Variants in ADGRB2 observed in about 807,000 individuals in gnomAD.
ADGRB2 encodes the protein brain-specific angiogenesis inhibitor 2.
A neutral mutation model predicts 178.7 loss-of-function variants in ADGRB2; 47 were observed. That is an observed-to-expected ratio of 0.26 (90% confidence interval 0.21 to 0.34). ADGRB2 has a LOEUF of 0.34. Ranked by LOEUF, ADGRB2 falls within the 10% of genes least tolerant of loss-of-function variation. The probability of loss-of-function intolerance (pLI) is 1.00; values close to 1 mark genes in which losing one functional copy is unlikely to be tolerated. For synonymous variants in ADGRB2, 870 were observed against 912.4 expected (o/e 0.95, Z 0.84); for missense variants, 1,584 against 2,180.8 (o/e 0.73, Z 5.45).
At position 31,761,468 on chromosome 1, in the gene ADGRB2, G is replaced by A. The variant is rs879701681; in HGVS notation, c.-191+2416C>T. ...CTGGGCTCCCCCTAACAGGCTGCCT[G>A]CCTTCGGGGACTCTGACTGGGGTTT... On this transcript the variant is annotated intron_variant, in intron 1 of 32. Transcript: ENST00000373658. This position sits in a 1 kb window ranked among gnomAD's most constrained non-coding sequence, Gnocchi z 4.2. Among the ~76,000 whole-genome samples, 4 of 152,334 alleles carry A rather than the reference G, an allele frequency of 2.6e-5. No homozygotes were observed. Among genetic ancestry groups the A allele is most frequent in the Admixed American group, 6.5e-5 (1 of 15,306 alleles).
chr1:31,752,079 C>CG (rs1207711085), intron 4 of ADGRB2, among the ~76,000 whole-genome samples: 1 of 152,184 alleles, frequency 6.6e-6, no homozygotes, highest in Non-Finnish European at 1.5e-5. Context: ...AAACTGAACC[C>CG]GGACTGGGCG....
intron 4 of ADGRB2, among the ~76,000 whole-genome samples, chr1:31,745,746 A>G (rs962550343): frequency 6.6e-6 from 1 of 152,190 alleles, no homozygotes; most frequent in Non-Finnish European, 1.5e-5. Context: ...TCTAAAAGCC[A>G]GCAGTACTGG....
In ADGRB2 at chr1:31,754,513, T is replaced by G. The variant is rs896456010; in HGVS notation, c.838+1486A>C. 2.0e-5 allele frequency among the ~76,000 whole-genome samples: 3 copies of G among 152,246 alleles called. No homozygotes were observed. The highest frequency in any genetic ancestry group is 7.2e-5 in the African/African-American group (3 of 41,470). On this transcript the variant is annotated intron_variant, in intron 4 of 32. Transcript: ENST00000373658. The surrounding 1 kb of genome is among the most constrained non-coding windows in gnomAD (Gnocchi z 5.7). Reference sequence around the variant, plus strand: ...GTTCAACAAAGAAGCAAAATTCAATTTCTTCCTACAGGCACTAAATCCCAG... The same window carrying G: ...GTTCAACAAAGAAGCAAAATTCAATGTCTTCCTACAGGCACTAAATCCCAG...
intron 25 of ADGRB2, among the ~76,000 whole-genome samples, chr1:31,734,786 C>G (rs1645481405): frequency 6.6e-6 from 1 of 152,212 alleles, no homozygotes; most frequent in Admixed American, 6.5e-5. Flanking sequence ...TTCACTCATT[C>G]TAACATTCTT....
In ADGRB2 at chr1:31,744,598, G is replaced by A. The variant is rs2297601; in HGVS notation, c.922+50C>T. On this transcript the variant is annotated intron_variant, in intron 5 of 32. Transcript: ENST00000373658. This position sits in a 1 kb window ranked among gnomAD's most constrained non-coding sequence, Gnocchi z 6.7. The stretch of plus-strand genomic sequence containing the variant: ...ACACCAAGCACACACACCACCAGAC[G>A]CACACAGTCGGGCCCCCGCCGCAGA... 3.2e-4 allele frequency: 502 copies of A among 1,589,958 alleles called. 6 individuals are homozygous for A. In the East Asian group the frequency reaches 0.011, roughly 34 times the overall value.
In ADGRB2 at chr1:31,727,730, A is replaced by G; in HGVS notation, c.4573-125T>C. 8.9e-7 allele frequency: 1 copy of G among 1,121,564 alleles called. No homozygotes were observed. The highest frequency in any genetic ancestry group is 1.8e-5 in the South Asian group (1 of 56,604). The allele number at this position is 1,121,564 out of a possible 1,614,324, so 69.5% of individuals were successfully genotyped here. On this transcript the variant is annotated intron_variant, in intron 32 of 32. Coordinates refer to ENST00000373658, the MANE Select transcript of ADGRB2 (RefSeq NM_001364857.2). The surrounding 1 kb of genome is among the most constrained non-coding windows in gnomAD (Gnocchi z 4.4). ...AAAGTTATGGAGCAATCAGGTGTCAAGCAGAATTCAAATACAGACCTGCCT... is the reference window on the plus strand; with the variant it reads ...AAAGTTATGGAGCAATCAGGTGTCAGGCAGAATTCAAATACAGACCTGCCT...
rs552290085 is a variant in ADGRB2, at chr1:31,736,015, C to A, written c.3201-122G>T. The A allele has an allele frequency of 2.7e-6, 3 of 1,098,006 alleles. No homozygotes were observed. The East Asian group carries it at 7.8e-5, about 29-fold the overall frequency. The allele number at this position is 1,098,006 out of a possible 1,614,324, so 68.0% of individuals were successfully genotyped here. A position where few individuals can be genotyped will look rare whatever the true frequency, so the allele number is the denominator to read the frequency against. ...TCACCAGTGCAGTCTGAGCCCCAGA[C>A]GGTGAGAGTGAGCCACTGGCTCCTG... On this transcript the variant is annotated intron_variant, in intron 22 of 32. Coordinates refer to ENST00000373658, the MANE Select transcript of ADGRB2 (RefSeq NM_001364857.2).
Position 31,727,992 on chromosome 1 carries a change from C to G in ADGRB2, c.4572+33G>C, listed in dbSNP as rs1486500565. On this transcript the variant is annotated intron_variant, in intron 32 of 32. Transcript: ENST00000373658. This position sits in a 1 kb window ranked among gnomAD's most constrained non-coding sequence, Gnocchi z 4.4. ...CAGGGAGGGCACGGGTCCCTCAGGC[C>G]CACCTCACCCCACCCAGCCCGGGGG... The G allele has an allele frequency of 3.3e-6, 5 of 1,532,986 alleles. No homozygotes were observed. Among genetic ancestry groups the G allele is most frequent in the Non-Finnish European group, 4.4e-6 (5 of 1,143,974 alleles). 95.0% of individuals were successfully genotyped at this position (1,532,986 alleles called of 1,614,324 possible). A position where few individuals can be genotyped will look rare whatever the true frequency, so the allele number is the denominator to read the frequency against.
In ADGRB2 at chr1:31,728,614, G is replaced by T. The variant is rs1181481789; in HGVS notation, c.4400C>A (p.Ser1467Ter). ...GSLERKKLRY[S>*]DLDFEKVMHT... is the part of the protein sequence containing the mutation. ...GGCCCTTACCTCAAAGTCCAGGTCT[G>T]AATACCGTAATTTCTTTCGCTGGGA... Residue 1467 changes from serine to a stop codon, truncating the protein, a stop_gained, in exon 30 of 33, where the codon TCA becomes TAA. Coordinates refer to ENST00000373658, the MANE Select transcript of ADGRB2 (RefSeq NM_001364857.2). LOFTEE classifies it high-confidence loss of function. The surrounding 1 kb of genome is among the most constrained non-coding windows in gnomAD (Gnocchi z 6.7). 1 of 1,613,958 alleles carries T rather than the reference G, an allele frequency of 6.2e-7. No individual in the cohort carries two copies. Among genetic ancestry groups the T allele is most frequent in the Non-Finnish European group, 8.5e-7 (1 of 1,179,998 alleles).
At position 31,756,609 on chromosome 1, in the gene ADGRB2, C is replaced by T. The variant is rs748125452; in HGVS notation, c.228G>A (p.Lys76=). ...SWTLENPDPT[K]YSLYLRFNRQ... ...GGTTGAAGCGCAGGTAGAGGGAGTA[C>T]TTGGTGGGGTCAGGGTTCTCCAGGG... The change falls in exon 4 of 33, where the codon AAG becomes AAA. Residue 76 remains lysine (K), a synonymous_variant. Coordinates refer to ENST00000373658, the MANE Select transcript of ADGRB2 (RefSeq NM_001364857.2). This position sits in a 1 kb window ranked among gnomAD's most constrained non-coding sequence, Gnocchi z 8.5. 1.2e-6 allele frequency: 2 copies of T among 1,606,948 alleles called. No homozygotes were observed. Among genetic ancestry groups the T allele is most frequent in the Admixed American group, 1.7e-5 (1 of 59,578 alleles).
chr1:31,757,191 C>G lies in ADGRB2; in HGVS notation c.21+10G>C. On this transcript the variant is annotated intron_variant, in intron 3 of 32. Transcript: ENST00000373658. ...ATTCGCCTTGCATTCAGATCCAGCCCCAGCCTCACCATCCAACCTGTATTC... is the reference window on the plus strand; with the variant it reads ...ATTCGCCTTGCATTCAGATCCAGCCGCAGCCTCACCATCCAACCTGTATTC... The G allele has an allele frequency of 6.2e-7, 1 of 1,614,168 alleles. No homozygotes were observed. Among genetic ancestry groups the G allele is most frequent in the Non-Finnish European group, 8.5e-7 (1 of 1,180,010 alleles).
intron 4 of ADGRB2, among the ~76,000 whole-genome samples, chr1:31,745,210 A>G (rs1448289687): frequency 6.6e-6 from 1 of 152,162 alleles, no homozygotes; most frequent in African/African-American, 2.4e-5. Flanking sequence ...GGGCTGAAAA[A>G]ACATCCAAGC....
chr1:31,745,825 C>T (rs1646244564), intron 4 of ADGRB2, among the ~76,000 whole-genome samples: 1 of 152,202 alleles, frequency 6.6e-6, no homozygotes, highest in Non-Finnish European at 1.5e-5. Flanking sequence ...CCAGCCCGGG[C>T]TCTGCAGCTG....
intron 22 of ADGRB2, 25 bp downstream of exon 22, chr1:31,736,296 C>T: frequency 6.2e-7 from 1 of 1,612,696 alleles, no homozygotes; most frequent in Non-Finnish European, 8.5e-7. Context: ...TACCCGCTAC[C>T]ACCCACCACG....
At position 31,735,361 on chromosome 1, in the gene ADGRB2, G is replaced by T; in HGVS notation, c.3354-80C>A. ...GATGGGGCAGAATGAGCCCCGAGTG[G>T]GGTGGGAGGGGAGGGCAGACGAGAG... On this transcript the variant is annotated intron_variant, in intron 24 of 32. Coordinates refer to ENST00000373658, the MANE Select transcript of ADGRB2 (RefSeq NM_001364857.2). This position sits in a 1 kb window ranked among gnomAD's most constrained non-coding sequence, Gnocchi z 6.0. The T allele has an allele frequency of 8.3e-7, 1 of 1,207,740 alleles. No individual in the cohort carries two copies. The highest frequency in any genetic ancestry group is 1.2e-6 in the Non-Finnish European group (1 of 850,024). The allele number at this position is 1,207,740 out of a possible 1,614,324, so 74.8% of individuals were successfully genotyped here. A position where few individuals can be genotyped will look rare whatever the true frequency, so the allele number is the denominator to read the frequency against.
chr1:31,750,426 G>A (rs1646506780), intron 4 of ADGRB2, among the ~76,000 whole-genome samples: 1 of 152,148 alleles, frequency 6.6e-6, no homozygotes, highest in Admixed American at 6.5e-5. Flanking sequence ...CCAGCAGGCG[G>A]GGTGAGCACA....
chr1:31,738,609 C>T lies in ADGRB2; in HGVS notation c.2623G>A (p.Ala875Thr). ...CACGCTCTGGAGTAGTCCCAGCTGG[C>T]GCAATGGGGATCCGTGGTCCCCTGG... ...IINGTTDPHC[A>T]SWDYSRADAS... is the part of the protein sequence containing the mutation. Residue 875 changes from alanine (A) to threonine (T), a missense_variant, in exon 17 of 33, where the codon GCC (alanine) becomes ACC (threonine). Physicochemically the swap from Ala to Thr is moderately conservative, Grantham distance 58 (BLOSUM62 0). Around this residue, in one of 3 missense-constraint regions of ADGRB2, gnomAD observed 865 missense variants for 1,192.8 expected, o/e 0.73. Coordinates refer to ENST00000373658, the MANE Select transcript of ADGRB2 (RefSeq NM_001364857.2). The T allele has an allele frequency of 1.9e-6, 3 of 1,611,476 alleles. No homozygotes were observed. The highest frequency in any genetic ancestry group is 1.7e-5 in the Admixed American group (1 of 59,708).
In ADGRB2 at chr1:31,742,161, T is replaced by A. The variant is rs1235542189; in HGVS notation, c.1309A>T (p.Asn437Tyr). The change falls in exon 8 of 33, where the codon AAT (asparagine) becomes TAT (tyrosine). Residue 437 changes from asparagine to tyrosine, a missense_variant. By Grantham distance (143) the Asn-to-Tyr change is moderately radical (BLOSUM62 -2). Transcript: ENST00000373658. ...PWGPCSTSCA[N>Y]GTQQRSRKCS... The stretch of plus-strand genomic sequence containing the variant: ...TTCCGGCTGCGCTGTTGGGTCCCAT[T>A]GGCACAGGACGTGGAGCATGGGCCC... The A allele has an allele frequency of 6.2e-7, 1 of 1,613,346 alleles. No individual in the cohort carries two copies. The highest frequency in any genetic ancestry group is 1.3e-5 in the African/African-American group (1 of 75,046).
chr1:31,737,077 G>A (rs561864715), intron 20 of ADGRB2, among the ~76,000 whole-genome samples: 1 of 152,300 alleles, frequency 6.6e-6, no homozygotes, highest in Admixed American at 6.5e-5. Flanking sequence ...GGGGGCATAG[G>A]GAAGAGTCTG....
Sources: gnomAD v4.1 joint callset for allele counts (sites outside exome capture counted in the v4.1 genomes callset) on GRCh38, gnomAD v4.1.1 for gene constraint, gnomAD v4.1.1 regional missense constraint, Gnocchi (gnomAD v3.1) non-coding constraint, MANE v1.5 for transcripts, NCBI Gene and HGNC (gene_info 2026-07-23, HGNC 2026-07-21) for gene names.